FANCM: variants seen among roughly 807,000 people sequenced by gnomAD.
FANCM encodes Fanconi anemia group M protein.
FANCM carries 140 observed loss-of-function variants against 199.5 expected under a neutral mutation model. That is an observed-to-expected ratio of 0.70 (90% CI 0.61 to 0.81). The LOEUF is 0.81. Ranked by LOEUF, FANCM falls within the 30% of genes least tolerant of loss-of-function variation. The probability of loss-of-function intolerance (pLI) is 0.00; values close to 1 mark genes in which losing one functional copy is unlikely to be tolerated. For missense variants in FANCM, 2,410 were observed against 2,421.4 expected (o/e 1.00, Z 0.10); for synonymous variants, 840 against 836.8 (o/e 1.00, Z -0.07).
intron 20 of FANCM, among the ~76,000 whole-genome samples, chr14:45,191,643 G>A (rs192207316): frequency 1.1e-4 from 16 of 152,264 alleles, no homozygotes; most frequent in African/African-American, 3.6e-4. Context: ...AGGGCTTAGT[G>A]GAAAAAGTTT....
chr14:45,148,552 A>G (rs1186487910), intron 3 of FANCM, among the ~76,000 whole-genome samples: 3 of 152,124 alleles, frequency 2.0e-5, no homozygotes, highest in African/African-American at 7.2e-5. Context: ...TAAAGTACCA[A>G]ACTACATTTG....
intron 11 of FANCM, among the ~76,000 whole-genome samples, chr14:45,168,367 ATAAAT>A (rs1888119382): frequency 6.6e-6 from 1 of 152,104 alleles, no homozygotes; most frequent in Non-Finnish European, 1.5e-5. Flanking sequence ...CTTGAATTTG[ATAAAT>A]TAATAAAAGC....
rs936844260 is a variant in FANCM at position 45,169,822 on chromosome 14, T to G, written c.2003-767T>G. Among the ~76,000 whole-genome samples the G allele has an allele frequency of 9.8e-5, 15 of 152,358 alleles. 1 individual carries two copies. The highest frequency in any genetic ancestry group is 9.1e-4 in the Admixed American group (14 of 15,310). Reference sequence around the variant, plus strand: ...TAGAGATTATAGAAGCTGAAAAGAATGAATATACTATACATATTTTTAAAA... The same window carrying G: ...TAGAGATTATAGAAGCTGAAAAGAAGGAATATACTATACATATTTTTAAAA... On this transcript the variant is annotated intron_variant, in intron 11 of 22. Transcript: ENST00000267430.
chr14:45,184,304 T>A (rs562973089), intron 17 of FANCM, among the ~76,000 whole-genome samples: 48 of 152,348 alleles, frequency 3.2e-4, no homozygotes, highest in African/African-American at 1.2e-3. Context: ...GATTAAGTTC[T>A]TTTGTGGTGC....
At chr14:45,160,946 C>T (rs1049007259) in intron 9 of FANCM, among the ~76,000 whole-genome samples, 2 of 151,522 alleles carry the variant, frequency 1.3e-5, no homozygotes, top group Admixed American at 6.6e-5. Flanking sequence ...AATACTTTTG[C>T]CTATTATCAA....
Position 45,142,722 on chromosome 14 carries a change from C to T in FANCM, c.759+2013C>T, listed in dbSNP as rs780769425. On this transcript the variant is annotated intron_variant, in intron 3 of 22. Transcript: ENST00000267430. ...CTGATGTTTTCTCATGATGTGGTGACGTTATGCATTTGCTAACAATAATCC... is the reference window on the plus strand; with the variant it reads ...CTGATGTTTTCTCATGATGTGGTGATGTTATGCATTTGCTAACAATAATCC... 6.2e-4 allele frequency among the ~76,000 whole-genome samples: 94 copies of T among 152,156 alleles called. 2 individuals carry two copies. Among genetic ancestry groups the T allele is most frequent in the African/African-American group, 2.1e-3 (86 of 41,442 alleles).
At position 45,189,164 on chromosome 14, in the gene FANCM, G is replaced by A. The variant is rs111894696; in HGVS notation, c.5142G>A (p.Ala1714=). ...CLNSVPSGSS[A]QSKVRSTPRV... is the part of the protein sequence containing the mutation. ...ATTCAGTGCCTTCTGGATCTTCTGC[G>A]CAGTCCAAGGTGCGTTCTACTCCAA... Residue 1714 remains alanine, a synonymous_variant, in exon 20 of 23, where the codon GCG becomes GCA. Coordinates refer to ENST00000267430, the MANE Select transcript of FANCM (RefSeq NM_020937.4). The A allele has an allele frequency of 1.7e-3, 2,724 of 1,614,088 alleles. 37 individuals carry two copies. The African/African-American group carries it at 0.031, about 18-fold the overall frequency.
At chr14:45,188,724 C>A in intron 19 of FANCM, 78 bp from the exon 20 acceptor site, 5 of 1,061,564 alleles carry the variant, frequency 4.7e-6, no homozygotes, top group Non-Finnish European at 7.1e-6. Flanking sequence ...ATGCAGATTT[C>A]ATGTGCCTAG....
Position 45,158,114 on chromosome 14 carries a change from C to T in FANCM, c.1397-982C>T, listed in dbSNP as rs200867557. Among the ~76,000 whole-genome samples, 15 of 152,256 alleles carry T rather than the reference C, an allele frequency of 9.9e-5. No individual in the cohort carries two copies. In the East Asian group the frequency reaches 2.9e-3, roughly 29 times the overall value. ...CTCAGAGCATGAGGTGGGAGGATCA[C>T]CTGAGCCCAAGAGGTCGAAGCTGTA... On this transcript the variant is annotated intron_variant, in intron 8 of 22. Coordinates refer to ENST00000267430, the MANE Select transcript of FANCM (RefSeq NM_020937.4).
Position 45,173,134 on chromosome 14 carries a change from A to G in FANCM, c.2240A>G (p.His747Arg), listed in dbSNP as rs181827583. Residue 747 changes from histidine (H) to arginine (R), a missense_variant, in exon 13 of 23, where the codon CAT becomes CGT. His to Arg is a conservative substitution (Grantham distance 29). Transcript: ENST00000267430. ...RLWQDHPLPT[H>R]QVDHSDRCRH... ...TGGCAAGATCATCCTTTGCCTACAC[A>G]TCAAGTTGATCACTCAGATCGATGC... The G allele has an allele frequency of 2.4e-4, 384 of 1,612,566 alleles. 3 individuals are homozygous for G. In the East Asian group the frequency reaches 8.4e-3, roughly 35 times the overall value.
At chr14:45,162,150 C>T (rs1887651494) in intron 9 of FANCM, among the ~76,000 whole-genome samples, 1 of 152,124 alleles carries the variant, frequency 6.6e-6, no homozygotes, top group Non-Finnish European at 1.5e-5. Context: ...CTTTGGGAGG[C>T]CAAGGCAGGT....
intron 19 of FANCM, among the ~76,000 whole-genome samples, chr14:45,188,316 G>A (rs1421446423): frequency 6.6e-6 from 1 of 152,164 alleles, no homozygotes; most frequent in East Asian, 1.9e-4. Flanking sequence ...TCCAGCCTGG[G>A]CGACAAGAGC....
At chr14:45,195,686 A>C (rs1355408534) in intron 20 of FANCM, 2 of 331,712 alleles carry the variant, frequency 6.0e-6, no homozygotes, top group Middle Eastern at 4.2e-4. Context: ...TGTATTTCTA[A>C]ATATTTTTTT....
intron 3 of FANCM, among the ~76,000 whole-genome samples, chr14:45,147,627 C>T (rs981246517): frequency 2.0e-5 from 3 of 152,246 alleles, no homozygotes; most frequent in Middle Eastern, 6.8e-3. Flanking sequence ...GACACCATGG[C>T]TCACACCTTT....
chr14:45,153,840 C>T (rs1886989134), intron 5 of FANCM, 80 bp from the exon 6 acceptor site: 1 of 1,057,128 alleles, frequency 9.5e-7, no homozygotes, highest in African/African-American at 1.6e-5. Flanking sequence ...GTTACACTGA[C>T]TATGGCCTGA....
At chr14:45,143,665 G>C (rs961627823) in intron 3 of FANCM, among the ~76,000 whole-genome samples, 1 of 150,392 alleles carries the variant, frequency 6.6e-6, no homozygotes, top group African/African-American at 2.5e-5. Flanking sequence ...TAGTAGCTCT[G>C]AACGGTCTTC....
intron 14 of FANCM, among the ~76,000 whole-genome samples, chr14:45,178,245 A>G (rs113446654): frequency 7.4e-4 from 112 of 152,352 alleles, no homozygotes; most frequent in African/African-American, 2.6e-3. Flanking sequence ...TGACTATTCT[A>G]TATAGTCTGG....
intron 14 of FANCM, among the ~76,000 whole-genome samples, chr14:45,178,232 A>C (rs1358356130): frequency 6.6e-6 from 1 of 152,192 alleles, no homozygotes; most frequent in African/African-American, 2.4e-5. Context: ...AATTTTCAAA[A>C]CCTGACTATT....
intron 2 of FANCM, chr14:45,138,072 T>G (rs1289259846): frequency 1.3e-5 from 2 of 152,054 alleles, no homozygotes; most frequent in African/African-American, 4.8e-5. Context: ...AAAGATGATT[T>G]AGATGTGTTG....
Sources: gnomAD v4.1 joint callset for allele counts (sites outside exome capture counted in the v4.1 genomes callset) on GRCh38, gnomAD v4.1.1 for gene constraint, MANE v1.5 for transcripts, NCBI Gene and HGNC (gene_info 2026-07-23, HGNC 2026-07-21) for gene names.